SAMD9L: variants seen among roughly 807,000 people sequenced by gnomAD.
SAMD9L encodes sterile alpha motif domain-containing protein 9-like.
SAMD9L carries 68 observed loss-of-function variants against 90.7 expected under a neutral mutation model. That is an observed-to-expected ratio of 0.75 (90% CI 0.62 to 0.92). SAMD9L has a LOEUF of 0.92. Ranked by LOEUF, SAMD9L falls within the 40% of genes least tolerant of loss-of-function variation. The pLI is 0.00. For missense variants in SAMD9L, 1,604 were observed against 1,824.3 expected (o/e 0.88, Z 2.20); for synonymous variants, 640 against 630.1 (o/e 1.02, Z -0.23).
intron 4 of SAMD9L, among the ~76,000 whole-genome samples, chr7:93,138,734 C>T (rs1792559844): frequency 6.6e-6 from 1 of 152,096 alleles, no homozygotes; most frequent in African/African-American, 2.4e-5. Flanking sequence ...CTCTTGCACC[C>T]AGAGCCAGGG....
chr7:93,133,147 C>T lies in SAMD9L; in HGVS notation c.2825G>A (p.Cys942Tyr), dbSNP rs780560641. ...VTDSTISVSQCEIFLGIIYTS... is the reference protein window; with the variant it reads ...VTDSTISVSQYEIFLGIIYTS... ...GTATATGATTCCCAAAAATATTTCACACTGTGAAACTGAAATTGTAGAGTC... is the reference window on the plus strand; with the variant it reads ...GTATATGATTCCCAAAAATATTTCATACTGTGAAACTGAAATTGTAGAGTC... The change falls in exon 5 of 5, where the codon TGT (cysteine) becomes TAT (tyrosine). Residue 942 changes from cysteine (C) to tyrosine (Y), a missense_variant. Cys to Tyr is a radical substitution (Grantham distance 194). Coordinates refer to ENST00000318238, the MANE Select transcript of SAMD9L (RefSeq NM_152703.5). 4 of 1,613,336 alleles carry T rather than the reference C, an allele frequency of 2.5e-6. No individual in the cohort carries two copies.
Position 93,146,931 on chromosome 7 carries a change from C to T in SAMD9L, c.-827G>A, listed in dbSNP as rs1792913743. The stretch of plus-strand genomic sequence containing the variant: ...AGTCACCGAATGAGGCCATTTCTCA[C>T]ACAGCGTTTTCCCTGGAGGAGGTCC... On this transcript the variant is annotated 5_prime_UTR_variant, in exon 2 of 5. It adds an upstream start codon to the 5' untranslated region. Transcript: ENST00000318238. 6.6e-6 allele frequency: 1 copy of T among 152,230 alleles called. No homozygotes were observed. Among genetic ancestry groups the T allele is most frequent in the Non-Finnish European group, 1.5e-5 (1 of 68,042 alleles). The allele number at this position is 152,230 out of a possible 1,614,324, so 9.4% of individuals were successfully genotyped here. A position where few individuals can be genotyped will look rare whatever the true frequency, so the allele number is the denominator to read the frequency against.
In SAMD9L at chr7:93,131,242, A is replaced by G; in HGVS notation, c.4730T>C (p.Leu1577Pro). 2 of 1,575,584 alleles carry G rather than the reference A, an allele frequency of 1.3e-6. No individual in the cohort carries two copies. The highest frequency in any genetic ancestry group is 1.7e-6 in the Non-Finnish European group (2 of 1,164,466). Residue 1577 changes from leucine to proline, a missense_variant, in exon 5 of 5, where the codon CTG (leucine) becomes CCG (proline). Physicochemically the swap from Leu to Pro is moderately conservative, Grantham distance 98. This residue lies in a region of SAMD9L where 282 missense variants were observed against 329.6 expected (regional missense o/e 0.86). Coordinates refer to ENST00000318238, the MANE Select transcript of SAMD9L (RefSeq NM_152703.5). ...TTAAATTACTTCTATATCATATGCC[A>G]GAGGGCCTTCAATGGAAAATCCTAG... Reference protein sequence around the residue: ...FYLGFSIEGPLAYDIEVI With the variant: ...FYLGFSIEGPPAYDIEVI
rs1562794218 is a variant in SAMD9L at position 93,134,744 on chromosome 7, C to A, written c.1228G>T (p.Asp410Tyr). 6.2e-7 allele frequency: 1 copy of A among 1,613,348 alleles called. No individual in the cohort carries two copies. ...ATGTACCAGTCATAGTATGAATTATCCAGTGAGTCTCGGTTTCCTATGAGA... is the reference window on the plus strand; with the variant it reads ...ATGTACCAGTCATAGTATGAATTATACAGTGAGTCTCGGTTTCCTATGAGA... ...KLLIGNRDSL[D>Y]NSYYDWYILV... The change falls in exon 5 of 5, where the codon GAT becomes TAT. Residue 410 changes from aspartate to tyrosine, a missense_variant. Coordinates refer to ENST00000318238, the MANE Select transcript of SAMD9L (RefSeq NM_152703.5).
At chr7:93,144,125 CT>C (rs1406324121) in intron 4 of SAMD9L, among the ~76,000 whole-genome samples, 4 of 152,184 alleles carry the variant, frequency 2.6e-5, no homozygotes, top group African/African-American at 9.7e-5. Flanking sequence ...TGTTCTGCTT[CT>C]TCAAATAAAT....
intron 4 of SAMD9L, among the ~76,000 whole-genome samples, chr7:93,140,573 C>T (rs1047384332): frequency 6.6e-6 from 1 of 152,234 alleles, no homozygotes; most frequent in East Asian, 1.9e-4. Context: ...ATCAAACTTA[C>T]AACACCTCCT....
In SAMD9L at chr7:93,130,596, T is replaced by G. The variant is rs1792042913; in HGVS notation, c.*621A>C. On this transcript the variant is annotated 3_prime_UTR_variant, in exon 5 of 5. Transcript: ENST00000318238. The stretch of plus-strand genomic sequence containing the variant: ...GGAGAGAGTTCAAGTTTATGATTAC[T>G]TTATTTTTTGAACTCTTCTCTCTCC... 6.6e-6 allele frequency: 1 copy of G among 152,086 alleles called. No homozygotes were observed. The highest frequency in any genetic ancestry group is 1.9e-4 in the East Asian group (1 of 5,180). 9.4% of individuals were successfully genotyped at this position (152,086 alleles called of 1,614,324 possible).
In SAMD9L at chr7:93,134,110, A is replaced by G; in HGVS notation, c.1862T>C (p.Ile621Thr). 1.9e-6 allele frequency: 3 copies of G among 1,613,968 alleles called. No individual in the cohort carries two copies. Among genetic ancestry groups the G allele is most frequent in the Non-Finnish European group, 2.5e-6 (3 of 1,179,884 alleles). ...CCGAGTCACCGATTTTAGTTTAAGG[A>G]TAGTGCTGTTTACCAGTTCTATATT... ...TLNIELVNSTILKLKSVTRSS... is the reference protein window; with the variant it reads ...TLNIELVNSTTLKLKSVTRSS... The change falls in exon 5 of 5, where the codon ATC (isoleucine) becomes ACC (threonine). Residue 621 changes from isoleucine to threonine, a missense_variant. By Grantham distance (89) the Ile-to-Thr change is moderately conservative (BLOSUM62 -1). Around this residue, in one of 7 missense-constraint regions of SAMD9L, gnomAD observed 606 missense variants for 717.6 expected, o/e 0.84. Coordinates refer to ENST00000318238, the MANE Select transcript of SAMD9L (RefSeq NM_152703.5).
chr7:93,137,899 G>A (rs971620301), intron 4 of SAMD9L, among the ~76,000 whole-genome samples: 3 of 152,196 alleles, frequency 2.0e-5, no homozygotes, highest in Non-Finnish European at 2.9e-5. Context: ...TCAGCTTGCA[G>A]CCCTGTGATT....
rs372468662 is a variant in SAMD9L, at chr7:93,132,605, G to A, written c.3367C>T (p.Leu1123=). The A allele has an allele frequency of 2.8e-5, 45 of 1,613,602 alleles. No homozygotes were observed. Among genetic ancestry groups the A allele is most frequent in the Non-Finnish European group, 3.7e-5 (44 of 1,179,820 alleles). ...APKNSYISDT[L]GQVYKSEIKW... ...ATTTCACTTTTGTAGACTTGACCTA[G>A]TGTATCTGAAATATAGGAATTTTTA... Residue 1123 remains leucine (L), a synonymous_variant, in exon 5 of 5, where the codon CTA becomes TTA. Transcript: ENST00000318238.
chr7:93,145,402 C>T lies in SAMD9L; in HGVS notation c.-140G>A, dbSNP rs1584301516. 6.6e-6 allele frequency: 1 copy of T among 152,138 alleles called. No individual in the cohort carries two copies. The highest frequency in any genetic ancestry group is 1.9e-4 in the East Asian group (1 of 5,204). 9.4% of individuals were successfully genotyped at this position (152,138 alleles called of 1,614,324 possible). On this transcript the variant is annotated 5_prime_UTR_variant, in exon 3 of 5. Coordinates refer to ENST00000318238, the MANE Select transcript of SAMD9L (RefSeq NM_152703.5). ...AAACTTACCAGGGCTTTTCTGAAAA[C>T]TTCTATCTTTATATTAGAAACATAA... is the stretch of plus-strand genomic sequence containing the variant.
chr7:93,146,676 A>T (rs1316032536), intron 2 of SAMD9L, among the ~76,000 whole-genome samples: 1 of 152,190 alleles, frequency 6.6e-6, no homozygotes, highest in Non-Finnish European at 1.5e-5. Context: ...TTTCCTAGGG[A>T]AATTATTTCG....
intron 4 of SAMD9L, among the ~76,000 whole-genome samples, chr7:93,136,438 T>C (rs1169836047): frequency 1.3e-5 from 2 of 152,220 alleles, no homozygotes; most frequent in African/African-American, 2.4e-5. Context: ...CTTTGTTACA[T>C]AGTAACAGAG....
In SAMD9L at chr7:93,133,909, T is replaced by C; in HGVS notation, c.2063A>G (p.Tyr688Cys). The C allele has an allele frequency of 6.2e-7, 1 of 1,613,930 alleles. No individual in the cohort carries two copies. The highest frequency in any genetic ancestry group is 8.5e-7 in the Non-Finnish European group (1 of 1,179,890). ...CCACCAGGATACTTTGCCACCTCGA[T>C]AAAAGTGTTCTTCTTTTGATTTCTT... ...EFKKSKEEHF[Y>C]RGGKVSWWNF... Residue 688 changes from tyrosine to cysteine, a missense_variant, in exon 5 of 5, where the codon TAT (tyrosine) becomes TGT (cysteine). Tyr to Cys is a radical substitution (Grantham distance 194). Around this residue, in one of 7 missense-constraint regions of SAMD9L, gnomAD observed 606 missense variants for 717.6 expected, o/e 0.84. Coordinates refer to ENST00000318238, the MANE Select transcript of SAMD9L (RefSeq NM_152703.5).
Position 93,131,159 on chromosome 7 carries a change from G to C in SAMD9L, c.*58C>G, listed in dbSNP as rs2116466516. On this transcript the variant is annotated 3_prime_UTR_variant, in exon 5 of 5. Coordinates refer to ENST00000318238, the MANE Select transcript of SAMD9L (RefSeq NM_152703.5). ...TGAAAGTGCCATGAGAATAGAGAGA[G>C]AGAATAAAATCATAAAGATATAAAT... is the stretch of plus-strand genomic sequence containing the variant. The C allele has an allele frequency of 8.3e-6, 9 of 1,081,040 alleles. No homozygotes were observed. The South Asian group carries it at 1.4e-4, about 16-fold the overall frequency. 67.0% of individuals were successfully genotyped at this position (1,081,040 alleles called of 1,614,324 possible). A position where few individuals can be genotyped will look rare whatever the true frequency, so the allele number is the denominator to read the frequency against.
In SAMD9L at chr7:93,134,706, A is replaced by G; in HGVS notation, c.1266T>C (p.Asn422=). 6.2e-7 allele frequency: 1 copy of G among 1,613,620 alleles called. No individual in the cohort carries two copies. The highest frequency in any genetic ancestry group is 8.5e-7 in the Non-Finnish European group (1 of 1,179,896). Residue 422 remains asparagine, a synonymous_variant, in exon 5 of 5, where the codon AAT becomes AAC. Transcript: ENST00000318238. Reference sequence around the variant, plus strand: ...GCTTTATTTGGTTTGGATGGCATTTATTTGTTACAAGAATGTACCAGTCAT... The same window carrying G: ...GCTTTATTTGGTTTGGATGGCATTTGTTTGTTACAAGAATGTACCAGTCAT... The part of the protein sequence containing the change: ...SYYDWYILVT[N]KCHPNQIKHL...
At position 93,132,983 on chromosome 7, in the gene SAMD9L, G is replaced by C. The variant is rs1472023000; in HGVS notation, c.2989C>G (p.Leu997Val). The change falls in exon 5 of 5, where the codon CTA becomes GTA. Residue 997 changes from leucine to valine, a missense_variant. Coordinates refer to ENST00000318238, the MANE Select transcript of SAMD9L (RefSeq NM_152703.5). The stretch of plus-strand genomic sequence containing the variant: ...TGATAGCTTCTTTCCAGTTCTTTTA[G>C]ACAGTACAGGGCAATCAGAGGGTGA... ...IIHPLIALYCLKELERSYHLD... is the reference protein window; with the variant it reads ...IIHPLIALYCVKELERSYHLD... 6.2e-7 allele frequency: 1 copy of C among 1,613,224 alleles called. No individual in the cohort carries two copies. Among genetic ancestry groups the C allele is most frequent in the Non-Finnish European group, 8.5e-7 (1 of 1,179,610 alleles).
intron 4 of SAMD9L, among the ~76,000 whole-genome samples, chr7:93,143,953 T>C (rs1281993535): frequency 6.6e-6 from 1 of 152,228 alleles, no homozygotes; most frequent in Non-Finnish European, 1.5e-5. Context: ...AGGGCTTTCA[T>C]GTTTAGCAAG....
At position 93,134,635 on chromosome 7, in the gene SAMD9L, A is replaced by G; in HGVS notation, c.1337T>C (p.Phe446Ser). The G allele has an allele frequency of 1.2e-6, 2 of 1,614,030 alleles. No homozygotes were observed. The highest frequency in any genetic ancestry group is 1.7e-6 in the Non-Finnish European group (2 of 1,179,948). Reference sequence around the variant, plus strand: ...TCCATTGATCATAGATTCAGGATCAAACTCCAACACAGCAAACCATTTAAT... The same window carrying G: ...TCCATTGATCATAGATTCAGGATCAGACTCCAACACAGCAAACCATTTAAT... The part of the protein sequence containing the change: ...KEIKWFAVLE[F>S]DPESMINGVV... Residue 446 changes from phenylalanine (F) to serine (S), a missense_variant, in exon 5 of 5, where the codon TTT becomes TCT. By Grantham distance (155) the Phe-to-Ser change is radical (BLOSUM62 -2). Transcript: ENST00000318238.
Sources: gnomAD v4.1 joint callset for allele counts (sites outside exome capture counted in the v4.1 genomes callset) on GRCh38, gnomAD v4.1.1 for gene constraint, gnomAD v4.1.1 regional missense constraint, MANE v1.5 for transcripts, NCBI Gene and HGNC (gene_info 2026-07-23, HGNC 2026-07-21) for gene names.